The following ABCA6 variants were observed in gnomAD, a reference collection of about 807,000 sequenced individuals.
ABCA6 encodes ATP-binding cassette sub-family A member 6.
A neutral mutation model predicts 191.2 loss-of-function variants in ABCA6; 164 were observed. The ratio of observed to expected loss-of-function variants is 0.86; its 90% CI spans 0.76 to 0.98. The LOEUF (loss-of-function observed/expected upper bound fraction) is 0.98, where lower values mean the gene tolerates loss of function less well. Among genes scored for constraint, ABCA6 ranks in the 50% least tolerant of loss-of-function variants. ABCA6 has a pLI of 0.00. For synonymous variants in ABCA6, 636 were observed against 647.7 expected (o/e 0.98, Z 0.27); for missense variants, 1,958 against 1,894.1 (o/e 1.03, Z -0.63).
At chr17:69,122,315 A>C (rs2073663268) in intron 10 of ABCA6, among the ~76,000 whole-genome samples, 1 of 152,088 alleles carries the variant, frequency 6.6e-6, no homozygotes, top group South Asian at 2.1e-4. Context: ...TTGCTATTTA[A>C]AGCGCTGATC....
intron 13 of ABCA6, among the ~76,000 whole-genome samples, chr17:69,114,054 C>T (rs917695485): frequency 6.6e-6 from 1 of 152,048 alleles, no homozygotes; most frequent in African/African-American, 2.4e-5. Context: ...CCCAGCCATC[C>T]CATTACTGGG....
At chr17:69,113,531 G>T in intron 14 of ABCA6, 87 bp downstream of exon 14, 2 of 1,596,492 alleles carry the variant, frequency 1.3e-6, no homozygotes, top group Non-Finnish European at 1.7e-6. Flanking sequence ...GCATTACAAT[G>T]AAAGCTCTAC....
intron 6 of ABCA6, among the ~76,000 whole-genome samples, chr17:69,132,042 G>A (rs569119000): frequency 2.6e-5 from 4 of 151,906 alleles, no homozygotes; most frequent in African/African-American, 7.3e-5. Flanking sequence ...GAAGACACAG[G>A]TTCCTCTTTT....
intron 29 of ABCA6, 74 bp downstream of exon 29, chr17:69,087,279 C>G: frequency 6.4e-7 from 1 of 1,561,324 alleles, no homozygotes; most frequent in African/African-American, 1.4e-5. Flanking sequence ...AAATGAAACC[C>G]AGTGTATCAA....
chr17:69,135,226 A>G (rs1453193361), intron 4 of ABCA6: 2 of 153,378 alleles, frequency 1.3e-5, no homozygotes, highest in African/African-American at 4.8e-5. Flanking sequence ...CAAATAAATG[A>G]AAGTTTTTAA....
At chr17:69,127,047 A>C (rs2073767004) in intron 8 of ABCA6, among the ~76,000 whole-genome samples, 1 of 152,220 alleles carries the variant, frequency 6.6e-6, no homozygotes, top group South Asian at 2.1e-4. Flanking sequence ...AATTCATTCA[A>C]GGAAAGGATA....
intron 28 of ABCA6, 89 bp from the exon 29 acceptor site, chr17:69,087,562 CCTCTT>C (rs1443216612): frequency 1.3e-6 from 2 of 1,525,192 alleles, no homozygotes; most frequent in East Asian, 4.5e-5. Flanking sequence ...TTACTACTGT[CCTCTT>C]CTCTAATGTG....
chr17:69,106,710 A>G lies in ABCA6; in HGVS notation c.2390-499T>C, dbSNP rs955539741. 4.0e-5 allele frequency among the ~76,000 whole-genome samples: 6 copies of G among 151,842 alleles called. No individual in the cohort carries two copies. The East Asian group carries it at 7.7e-4, about 20-fold the overall frequency. ...TTTATACTTCACCACTGCCATCTATATTTTCTTTCTATAGTGAAGTTTTAT... is the reference window on the plus strand; with the variant it reads ...TTTATACTTCACCACTGCCATCTATGTTTTCTTTCTATAGTGAAGTTTTAT... On this transcript the variant is annotated intron_variant, in intron 18 of 38. Coordinates refer to ENST00000284425, the MANE Select transcript of ABCA6 (RefSeq NM_080284.3).
At position 69,096,367 on chromosome 17, in the gene ABCA6, A is replaced by G; in HGVS notation, c.3295-14T>C. On this transcript the variant is annotated splice_polypyrimidine_tract_variant and intron_variant, in intron 24 of 38. Coordinates refer to ENST00000284425, the MANE Select transcript of ABCA6 (RefSeq NM_080284.3). ...AGTAACTATAACCTGAGCATAAAAG[A>G]AATAATAACATAGTCAAAAAATCAA... 7.6e-7 allele frequency: 1 copy of G among 1,316,734 alleles called. No homozygotes were observed. The highest frequency in any genetic ancestry group is 1.7e-5 in the South Asian group (1 of 59,294). The allele number at this position is 1,316,734 out of a possible 1,614,324, so 81.6% of individuals were successfully genotyped here. A position where few individuals can be genotyped will look rare whatever the true frequency, so the allele number is the denominator to read the frequency against.
rs751850392 is a variant in ABCA6, at chr17:69,105,591, C to A, written c.2611G>T (p.Val871Phe). 3.2e-6 allele frequency: 5 copies of A among 1,543,962 alleles called. No homozygotes were observed. The highest frequency in any genetic ancestry group is 1.4e-5 in the African/African-American group (1 of 73,930). ...VFGIAIFPLIVENIMYAMLNE... is the reference protein window; with the variant it reads ...VFGIAIFPLIFENIMYAMLNE... The stretch of plus-strand genomic sequence containing the variant: ...AACATAGCATACATTATATTTTCAA[C>A]AATCAAAGGGAATATTGCGATTCCA... The change falls in exon 20 of 39, where the codon GTT becomes TTT. Residue 871 changes from valine (V) to phenylalanine (F), a missense_variant. Val to Phe is a conservative substitution (Grantham distance 50, BLOSUM62 -1). Transcript: ENST00000284425.
intron 1 of ABCA6, among the ~76,000 whole-genome samples, chr17:69,141,073 T>C (rs1241002866): frequency 6.6e-6 from 1 of 152,082 alleles, no homozygotes; most frequent in Non-Finnish European, 1.5e-5. Context: ...ATTAATTTCA[T>C]CCTGTTAATA....
rs1287728093 is a variant in ABCA6 at position 69,091,257 on chromosome 17, G to A, written c.3414C>T (p.Ser1138=). ...TTAAAGTGATGGAAAACATGATGGTGGAGGCCTACAAGGCAAGTTCAAATA... is the reference window on the plus strand; with the variant it reads ...TTAAAGTGATGGAAAACATGATGGTAGAGGCCTACAAGGCAAGTTCAAATA... ...GLWSFYFFFA[S]TIMFSITLIN... The change falls in exon 26 of 39, where the codon TCC becomes TCT. Residue 1138 remains serine, a synonymous_variant. Coordinates refer to ENST00000284425, the MANE Select transcript of ABCA6 (RefSeq NM_080284.3). 1.2e-6 allele frequency: 2 copies of A among 1,610,228 alleles called. No individual in the cohort carries two copies. The highest frequency in any genetic ancestry group is 1.7e-6 in the Non-Finnish European group (2 of 1,179,208).
At chr17:69,124,155 A>AT (rs1017858094) in intron 9 of ABCA6, among the ~76,000 whole-genome samples, 10 of 151,946 alleles carry the variant, frequency 6.6e-5, no homozygotes, top group African/African-American at 2.4e-4. Context: ...TTTTAAATAT[A>AT]TTTTTCCAGT....
intron 13 of ABCA6, among the ~76,000 whole-genome samples, chr17:69,114,083 T>C (rs1373265692): frequency 6.6e-6 from 1 of 152,114 alleles, no homozygotes; most frequent in Non-Finnish European, 1.5e-5. Flanking sequence ...CAAAGGATTA[T>C]AAATCATGCT....
intron 25 of ABCA6, chr17:69,094,198 G>A (rs888104113): frequency 6.6e-6 from 1 of 152,124 alleles, no homozygotes; most frequent in African/African-American, 2.4e-5. Flanking sequence ...CCTAAGAAGT[G>A]GTTCTGCATT....
intron 4 of ABCA6, 81 bp from the exon 5 acceptor site, chr17:69,134,823 C>T (rs1194068050): frequency 1.2e-5 from 12 of 968,874 alleles, no homozygotes; most frequent in Middle Eastern, 2.1e-4. Flanking sequence ...GAAAAGAAAA[C>T]AATCTAGAGG....
chr17:69,131,938 G>C (rs963408151), intron 6 of ABCA6, among the ~76,000 whole-genome samples: 1 of 152,122 alleles, frequency 6.6e-6, no homozygotes, highest in Non-Finnish European at 1.5e-5. Flanking sequence ...TTTTACAGGG[G>C]TTCCCTCCTA....
intron 23 of ABCA6, 63 bp from the exon 24 acceptor site, chr17:69,096,864 A>G: frequency 1.5e-6 from 2 of 1,329,556 alleles, no homozygotes; most frequent in Non-Finnish European, 1.0e-6. Flanking sequence ...CAAATCTAAA[A>G]TAAACACAAA....
At chr17:69,129,587 T>C (rs201595072) in intron 7 of ABCA6, 23 bp downstream of exon 7, 14 of 1,556,324 alleles carry the variant, frequency 9.0e-6, no homozygotes, top group Admixed American at 1.9e-5. Flanking sequence ...GCAGAGAAAG[T>C]GGTAATAAAT....
Sources: gnomAD v4.1 joint callset for allele counts (sites outside exome capture counted in the v4.1 genomes callset) on GRCh38, gnomAD v4.1.1 for gene constraint, MANE v1.5 for transcripts, NCBI Gene and HGNC (gene_info 2026-07-23, HGNC 2026-07-21) for gene names.